Variants in LINGO2 observed in about 807,000 individuals in gnomAD.
LINGO2 encodes leucine-rich repeat and immunoglobulin-like domain-containing nogo receptor-interacting protein 2.
LINGO2 carries 14 observed loss-of-function variants against 30.6 expected under a neutral mutation model. The observed-to-expected ratio is 0.46, with a 90% CI of 0.30 to 0.72. The LOEUF is 0.72. Among genes scored for constraint, LINGO2 ranks in the 30% least tolerant of loss-of-function variants. LINGO2 has a pLI of 0.07. For missense variants in LINGO2, 729 were observed against 751.7 expected, an observed-to-expected ratio of 0.97 and a Z score of 0.35; for synonymous variants, 317 against 288.5, an observed-to-expected ratio of 1.10 and a Z score of -1.00.
chr9:28,961,513 T>G, the LINGO2 span, among the ~76,000 whole-genome samples: 1 of 152,156 alleles, frequency 6.6e-6, no homozygotes, highest in Non-Finnish European at 1.5e-5. Context: ...AGATAGGATA[T>G]GCACTTAAAC....
chr9:28,768,071 G>C, the LINGO2 span, among the ~76,000 whole-genome samples: 2 of 152,140 alleles, frequency 1.3e-5, no homozygotes, highest in African/African-American at 4.8e-5. Context: ...TATTATTTTA[G>C]TTTGCTAGCT....
chr9:28,788,453 G>A, the LINGO2 span, among the ~76,000 whole-genome samples: 8 of 152,178 alleles, frequency 5.3e-5, no homozygotes, highest in African/African-American at 1.7e-4. Context: ...TTATCACCTT[G>A]CAGAAGTAGA....
chr9:28,946,515 C>G, the LINGO2 span, among the ~76,000 whole-genome samples: 1 of 152,046 alleles, frequency 6.6e-6, no homozygotes, highest in African/African-American at 2.4e-5. Flanking sequence ...ATTCCTTTCC[C>G]CTGGTGCTCT....
the LINGO2 span, among the ~76,000 whole-genome samples, chr9:29,135,222 T>C: frequency 1.3e-5 from 2 of 152,190 alleles, no homozygotes; most frequent in East Asian, 3.9e-4. Context: ...TCATACTCTT[T>C]CCCAACATGG....
At chr9:28,563,007 C>A (rs979982255) in intron 1 of LINGO2, among the ~76,000 whole-genome samples, 3 of 152,010 alleles carry the variant, frequency 2.0e-5, no homozygotes, top group Non-Finnish European at 4.4e-5. Flanking sequence ...CGACCACGCC[C>A]TGCTAATTTT....
At chr9:28,353,749 A>C (rs1820026074) in intron 3 of LINGO2, among the ~76,000 whole-genome samples, 1 of 152,178 alleles carries the variant, frequency 6.6e-6, no homozygotes. Flanking sequence ...ACTTGGAACC[A>C]ACCCAAATGT....
At chr9:27,986,597 G>A (rs992692531) in intron 5 of LINGO2, among the ~76,000 whole-genome samples, 17 of 151,808 alleles carry the variant, frequency 1.1e-4, no homozygotes, top group African/African-American at 3.6e-4. Flanking sequence ...GCTCTTGCAC[G>A]AGAATGCACA....
intron 4 of LINGO2, among the ~76,000 whole-genome samples, chr9:28,172,134 G>C (rs1350525564): frequency 6.6e-6 from 1 of 150,738 alleles, no homozygotes; most frequent in Non-Finnish European, 1.5e-5. Context: ...GCTCACGCCT[G>C]TAATCCCAGC....
intron 2 of LINGO2, among the ~76,000 whole-genome samples, chr9:28,469,663 T>C (rs1475208550): frequency 3.3e-5 from 5 of 152,178 alleles, no homozygotes; most frequent in Admixed American, 6.6e-5. Context: ...AGTAGGATGA[T>C]ATATTTAATG....
intron 3 of LINGO2, among the ~76,000 whole-genome samples, chr9:28,366,278 C>G (rs77503069): frequency 0.018 from 2,747 of 152,244 alleles, 69 homozygotes; most frequent in African/African-American, 0.061. Flanking sequence ...TCATCACTTG[C>G]ATTACCTCTA....
At chr9:29,068,135 C>G in the LINGO2 span, among the ~76,000 whole-genome samples, 2 of 151,754 alleles carry the variant, frequency 1.3e-5, no homozygotes, top group African/African-American at 2.4e-5. Context: ...AACAAAGCCT[C>G]TAACCATTGC....
At chr9:29,159,498 T>C in the LINGO2 span, among the ~76,000 whole-genome samples, 1 of 152,178 alleles carries the variant, frequency 6.6e-6, no homozygotes, top group East Asian at 1.9e-4. Flanking sequence ...AAGCATAACT[T>C]ATCATGAAAC....
chr9:28,070,877 A>C (rs570525166), intron 4 of LINGO2, among the ~76,000 whole-genome samples: 1 of 151,936 alleles, frequency 6.6e-6, no homozygotes, highest in African/African-American at 2.4e-5. Context: ...ATGTCTGCCT[A>C]TTTTTTAAAA....
At chr9:28,044,076 G>T (rs1824310158) in intron 4 of LINGO2, among the ~76,000 whole-genome samples, 1 of 152,156 alleles carries the variant, frequency 6.6e-6, no homozygotes, top group Admixed American at 6.5e-5. Context: ...AAAACTTCAG[G>T]CAAGTTAAAT....
At chr9:28,199,787 G>A (rs1820161271) in intron 4 of LINGO2, among the ~76,000 whole-genome samples, 1 of 151,956 alleles carries the variant, frequency 6.6e-6, no homozygotes, top group Non-Finnish European at 1.5e-5. Flanking sequence ...ATTAAGAGAA[G>A]TAGTACATAT....
chr9:28,586,770 G>A (rs1824561238), intron 1 of LINGO2, among the ~76,000 whole-genome samples: 1 of 151,942 alleles, frequency 6.6e-6, no homozygotes, highest in Non-Finnish European at 1.5e-5. Flanking sequence ...AGGTGAGCAG[G>A]GCCGTGGAGA....
chr9:28,216,621 CA>C (rs1398362683), intron 4 of LINGO2, among the ~76,000 whole-genome samples: 1 of 151,740 alleles, frequency 6.6e-6, no homozygotes, highest in Non-Finnish European at 1.5e-5. Context: ...GAATGCAATC[CA>C]AAAATTATAT....
At chr9:28,822,312 G>C in the LINGO2 span, among the ~76,000 whole-genome samples, 6,560 of 152,228 alleles carry the variant, frequency 0.043, 217 homozygotes, top group Admixed American at 0.084. Context: ...CCTGCACTAC[G>C]AGGAAGAGGA....
intron 1 of LINGO2, among the ~76,000 whole-genome samples, chr9:28,590,281 C>A (rs1347823270): frequency 2.6e-5 from 4 of 152,036 alleles, no homozygotes; most frequent in African/African-American, 9.7e-5. Flanking sequence ...AAAGCAATGG[C>A]AATAAAAGCC....
Sources: allele counts gnomAD v4.1 joint callset (sites outside exome capture counted in the v4.1 genomes callset), GRCh38; gene constraint gnomAD v4.1.1; transcripts MANE v1.5; gene names NCBI Gene and HGNC (gene_info 2026-07-23, HGNC 2026-07-21).